Variants in NCAN observed in about 807,000 individuals in gnomAD.
The protein encoded by NCAN is neurocan core protein.
Under a neutral mutation model 121.8 loss-of-function variants are expected in NCAN, and 47 were observed. That is an observed-to-expected ratio of 0.39 (90% confidence interval 0.31 to 0.49). The LOEUF is 0.49. NCAN is among the 20% of genes least tolerant of loss of function. The pLI is 0.92. For missense variants in NCAN, 1,517 were observed against 1,773.4 expected (o/e 0.86, Z 2.60); for synonymous variants, 633 against 702.0 (o/e 0.90, Z 1.55).
At chr19:19,224,919 C>T in intron 5 of NCAN, 58 bp from the exon 6 acceptor site, 1 of 1,339,416 alleles carries the variant, frequency 7.5e-7, no homozygotes, top group East Asian at 3.0e-5. Context: ...GGACCCACTT[C>T]CTGGGCTCCA....
chr19:19,231,619 C>A (rs761070574), intron 8 of NCAN, among the ~76,000 whole-genome samples: 16 of 152,086 alleles, frequency 1.1e-4, no homozygotes, highest in Non-Finnish European at 2.2e-4. Flanking sequence ...TGAGCCACCG[C>A]ACCTGGCCGG....
In NCAN at chr19:19,227,899, T is replaced by A. The variant is rs752477323; in HGVS notation, c.2279T>A (p.Val760Asp). Residue 760 changes from valine (V) to aspartate (D), a missense_variant, in exon 8 of 15, where the codon GTC (valine) becomes GAC (aspartate). Coordinates refer to ENST00000252575, the MANE Select transcript of NCAN (RefSeq NM_004386.3). This position sits in a 1 kb window ranked among gnomAD's most constrained non-coding sequence, Gnocchi z 4.2. ...GGTATCCCGGGGTCTGAGTCTGGGG[T>A]CTTCGACACAGCAGAAAGCCCCACT... ...LRGIPGSESG[V>D]FDTAESPTSG... 6.2e-7 allele frequency: 1 copy of A among 1,612,862 alleles called. No homozygotes were observed. Among genetic ancestry groups the A allele is most frequent in the Non-Finnish European group, 8.5e-7 (1 of 1,179,802 alleles).
At chr19:19,234,609 TACCC>T (rs1289338734) in intron 9 of NCAN, among the ~76,000 whole-genome samples, 1 of 152,212 alleles carries the variant, frequency 6.6e-6, no homozygotes, top group Non-Finnish European at 1.5e-5. Flanking sequence ...TATCTAGCTT[TACCC>T]ACAAACAGCT....
chr19:19,229,389 C>T (rs756335719), intron 8 of NCAN, among the ~76,000 whole-genome samples: 9 of 152,078 alleles, frequency 5.9e-5, no homozygotes, highest in African/African-American at 1.2e-4. Context: ...GCCTCCCAGG[C>T]GAGACCAGAG....
In NCAN at chr19:19,212,690, C is replaced by T. The variant is rs2060779769; in HGVS notation, c.-8+626C>T. 6.6e-6 allele frequency among the ~76,000 whole-genome samples: 1 copy of T among 152,182 alleles called. No individual in the cohort carries two copies. Among genetic ancestry groups the T allele is most frequent in the Admixed American group, 6.5e-5 (1 of 15,286 alleles). Reference sequence around the variant, plus strand: ...GGGAGGAGGTCCTGGGGGTCCCCATCCCAACGTGGTTCCCCGTTATTCCCT... The same window carrying T: ...GGGAGGAGGTCCTGGGGGTCCCCATTCCAACGTGGTTCCCCGTTATTCCCT... On this transcript the variant is annotated intron_variant, in intron 1 of 14. Transcript: ENST00000252575. This position sits in a 1 kb window ranked among gnomAD's most constrained non-coding sequence, Gnocchi z 4.5.
intron 11 of NCAN, 165 bp downstream of exon 11, chr19:19,238,576 T>C: frequency 1.4e-6 from 1 of 731,966 alleles, no homozygotes. Flanking sequence ...GCATGAAATC[T>C]GTCAATTCAC....
At chr19:19,243,770 G>A (rs938211254) in intron 12 of NCAN, among the ~76,000 whole-genome samples, 1 of 152,122 alleles carries the variant, frequency 6.6e-6, no homozygotes, top group Non-Finnish European at 1.5e-5. Context: ...GCTCACGCCT[G>A]TAATCCCAGC....
chr19:19,248,146 T>C (rs980575388), intron 13 of NCAN, among the ~76,000 whole-genome samples: 1 of 151,720 alleles, frequency 6.6e-6, no homozygotes, highest in Non-Finnish European at 1.5e-5. Context: ...AGACGCTCTT[T>C]TAAAAACAAC....
At position 19,238,237 on chromosome 19, in the gene NCAN, C is replaced by T. The variant is rs530425394; in HGVS notation, c.3251-16C>T. On this transcript the variant is annotated splice_polypyrimidine_tract_variant and intron_variant, in intron 10 of 14. Coordinates refer to ENST00000252575, the MANE Select transcript of NCAN (RefSeq NM_004386.3). Reference sequence around the variant, plus strand: ...CCAAGGCCAGCCCCCCCTCACGCTCCTATCCCATCTCCCAGACACCGAGGG... The same window carrying T: ...CCAAGGCCAGCCCCCCCTCACGCTCTTATCCCATCTCCCAGACACCGAGGG... The T allele has an allele frequency of 1.5e-5, 24 of 1,614,008 alleles. No individual in the cohort carries two copies. The South Asian group carries it at 2.3e-4, about 16-fold the overall frequency.
At chr19:19,226,026 T>G (rs1283822289) in intron 6 of NCAN, among the ~76,000 whole-genome samples, 1 of 152,136 alleles carries the variant, frequency 6.6e-6, no homozygotes, top group Non-Finnish European at 1.5e-5. Flanking sequence ...ACCTCCCTTG[T>G]TCAAGCAATT....
intron 8 of NCAN, among the ~76,000 whole-genome samples, chr19:19,230,145 A>G (rs2060852749): frequency 6.6e-6 from 1 of 151,708 alleles, no homozygotes; most frequent in South Asian, 2.1e-4. Context: ...CCCAGGTTCA[A>G]GTGATTCTCC....
Position 19,234,211 on chromosome 19 carries a change from T to A in NCAN, c.3136+306T>A, listed in dbSNP as rs2060872705. ...CAAAGGCCCTTTGGAGATCCTGCCC[T>A]TTCCTGGGTCGGTGGGAGGTATAAG... On this transcript the variant is annotated intron_variant, in intron 9 of 14. Coordinates refer to ENST00000252575, the MANE Select transcript of NCAN (RefSeq NM_004386.3). 1.3e-5 allele frequency among the ~76,000 whole-genome samples: 2 copies of A among 152,182 alleles called. 1 individual carries two copies. Among genetic ancestry groups the A allele is most frequent in the South Asian group, 4.1e-4 (2 of 4,828 alleles).
Position 19,249,751 on chromosome 19 carries a change from C to T in NCAN, c.3821-15C>T, listed in dbSNP as rs1299749632. On this transcript the variant is annotated splice_polypyrimidine_tract_variant and intron_variant, in intron 14 of 14. Coordinates refer to ENST00000252575, the MANE Select transcript of NCAN (RefSeq NM_004386.3). ...ACCTTTTGTCCCTTCCCTGTCCTCC[C>T]TCACTTCCCTGCAGCCAGACGTTCA... 5 of 1,589,020 alleles carry T rather than the reference C, an allele frequency of 3.1e-6. No homozygotes were observed. In the African/African-American group the frequency reaches 4.1e-5, roughly 13 times the overall value.
chr19:19,245,357 G>T lies in NCAN; in HGVS notation c.3537G>T (p.Ala1179=), dbSNP rs267605372. The change falls in exon 13 of 15, where the codon GCG becomes GCT. Residue 1179 remains alanine, a synonymous_variant. Coordinates refer to ENST00000252575, the MANE Select transcript of NCAN (RefSeq NM_004386.3). ...AGAACCAGCCGGACAATTTCTTCGCGGGTGGCGAGGACTGTGTGGTGATGG... is the reference window on the plus strand; with the variant it reads ...AGAACCAGCCGGACAATTTCTTCGCTGGTGGCGAGGACTGTGTGGTGATGG... ...WRENQPDNFF[A]GGEDCVVMVA... 1 of 1,614,206 alleles carries T rather than the reference G, an allele frequency of 6.2e-7. No individual in the cohort carries two copies. Among genetic ancestry groups the T allele is most frequent in the Non-Finnish European group, 8.5e-7 (1 of 1,180,028 alleles).
Position 19,227,146 on chromosome 19 carries a change from A to G in NCAN, c.1660+73A>G, listed in dbSNP as rs1410452057. 21 of 1,488,820 alleles carry G rather than the reference A, an allele frequency of 1.4e-5. No homozygotes were observed. Among genetic ancestry groups the G allele is most frequent in the Non-Finnish European group, 1.7e-5 (19 of 1,119,676 alleles). 92.2% of individuals were successfully genotyped at this position (1,488,820 alleles called of 1,614,324 possible). A position where few individuals can be genotyped will look rare whatever the true frequency, so the allele number is the denominator to read the frequency against. On this transcript the variant is annotated intron_variant, in intron 7 of 14. Transcript: ENST00000252575. The surrounding 1 kb of genome is among the most constrained non-coding windows in gnomAD (Gnocchi z 4.2). Reference sequence around the variant, plus strand: ...AGGGTAGAGAGGTAGCCATGGCTACACTCAGAATGAGGGAGGAAGCTCCAA... The same window carrying G: ...AGGGTAGAGAGGTAGCCATGGCTACGCTCAGAATGAGGGAGGAAGCTCCAA...
intron 11 of NCAN, 35 bp from the exon 12 acceptor site, chr19:19,240,568 G>T: frequency 6.2e-7 from 1 of 1,611,284 alleles, no homozygotes; most frequent in South Asian, 1.1e-5. Flanking sequence ...AGAGGCATGG[G>T]TGAACACCCA....
At chr19:19,245,559 C>T in intron 13 of NCAN, 102 bp downstream of exon 13, 2 of 1,357,296 alleles carry the variant, frequency 1.5e-6, no homozygotes, top group South Asian at 1.4e-5. Flanking sequence ...CTCATCACAG[C>T]CTCCACCGCC....
intron 11 of NCAN, 28 bp downstream of exon 11, chr19:19,238,439 G>T (rs1296682287): frequency 6.2e-7 from 1 of 1,613,676 alleles, no homozygotes; most frequent in Non-Finnish European, 8.5e-7. Context: ...GGGGCCACCT[G>T]CCTGGAGGGT....
rs888151836 is a variant in NCAN at position 19,250,031 on chromosome 19, C to T, written c.*120C>T. 1.0e-6 allele frequency: 1 copy of T among 989,504 alleles called. No homozygotes were observed. The highest frequency in any genetic ancestry group is 1.6e-6 in the Non-Finnish European group (1 of 637,642). 61.3% of individuals were successfully genotyped at this position (989,504 alleles called of 1,614,324 possible). The stretch of plus-strand genomic sequence containing the variant: ...GAAGTCCCTGAACCCCAAACCACAT[C>T]CCCCACACACATAATCCTTTGTACA... On this transcript the variant is annotated 3_prime_UTR_variant, in exon 15 of 15. Coordinates refer to ENST00000252575, the MANE Select transcript of NCAN (RefSeq NM_004386.3).
Sources: allele counts gnomAD v4.1 joint callset (sites outside exome capture counted in the v4.1 genomes callset), GRCh38; gene constraint gnomAD v4.1.1; non-coding constraint Gnocchi (gnomAD v3.1); transcripts MANE v1.5; gene names NCBI Gene and HGNC (gene_info 2026-07-23, HGNC 2026-07-21).